The following CCAR1 variants were observed in gnomAD, a reference collection of about 807,000 sequenced individuals.
CCAR1 encodes the protein cell division cycle and apoptosis regulator 1.
A neutral mutation model predicts 163.8 loss-of-function variants in CCAR1; 78 were observed. The ratio of observed to expected loss-of-function variants is 0.48; its 90% CI spans 0.40 to 0.57. The LOEUF (loss-of-function observed/expected upper bound fraction) is 0.57, where lower values mean the gene tolerates loss of function less well. Among genes scored for constraint, CCAR1 ranks in the 20% least tolerant of loss-of-function variants. The pLI is 0.00. For synonymous variants in CCAR1, 443 were observed against 460.7 expected (o/e 0.96, Z 0.49); for missense variants, 1,019 against 1,365.2 (o/e 0.75, Z 4.00).
intron 16 of CCAR1, among the ~76,000 whole-genome samples, chr10:68,762,811 C>CA (rs1165715131): frequency 6.6e-6 from 1 of 151,062 alleles, no homozygotes; most frequent in African/African-American, 2.4e-5. Context: ...CTAAGCTTTT[C>CA]AAAAAATGGT....
intron 2 of CCAR1, among the ~76,000 whole-genome samples, chr10:68,728,066 A>AGG (rs2055974093): frequency 6.6e-6 from 1 of 152,026 alleles, no homozygotes; most frequent in South Asian, 2.1e-4. Context: ...TGAACTTCTG[A>AGG]CCTCAGGTAA....
At chr10:68,755,592 GTTC>G in intron 13 of CCAR1, 56 bp downstream of exon 13, 1 of 1,442,752 alleles carries the variant, frequency 6.9e-7, no homozygotes, top group Non-Finnish European at 9.5e-7. Context: ...TTATGTAGTT[GTTC>G]TTATCGATCA....
At chr10:68,790,164 G>C (rs1415828814) in intron 24 of CCAR1, among the ~76,000 whole-genome samples, 1 of 151,892 alleles carries the variant, frequency 6.6e-6, no homozygotes, top group Non-Finnish European at 1.5e-5. Context: ...GTCCAGCCTC[G>C]CCAACGTGGT....
intron 21 of CCAR1, 92 bp from the exon 22 acceptor site, chr10:68,787,834 TC>T: frequency 7.7e-7 from 1 of 1,294,942 alleles, no homozygotes. Context: ...AGACTCTTTC[TC>T]AAAAGAAAGT....
intron 19 of CCAR1, 110 bp downstream of exon 19, chr10:68,773,209 A>G: frequency 1.7e-6 from 1 of 601,674 alleles, no homozygotes; most frequent in East Asian, 3.4e-5. Context: ...TTTAGAATAG[A>G]AAGAGTAATA....
At chr10:68,752,482 TAC>T (rs756457232) in intron 10 of CCAR1, among the ~76,000 whole-genome samples, 6 of 152,232 alleles carry the variant, frequency 3.9e-5, no homozygotes, top group Non-Finnish European at 8.8e-5. Context: ...GAAACAATTA[TAC>T]ATACTTGCTT....
intron 2 of CCAR1, among the ~76,000 whole-genome samples, chr10:68,724,630 A>G (rs1339961368): frequency 6.6e-6 from 1 of 152,118 alleles, no homozygotes; most frequent in African/African-American, 2.4e-5. Flanking sequence ...ATTCAAAAAA[A>G]AAAATCACCT....
intron 14 of CCAR1, 120 bp from the exon 15 acceptor site, chr10:68,757,174 A>T: frequency 1.7e-6 from 1 of 601,356 alleles, no homozygotes; most frequent in Non-Finnish European, 2.9e-6. Flanking sequence ...TAATAACTTT[A>T]GGAGAAGACA....
chr10:68,721,899 C>A (rs566052550), intron 1 of CCAR1, among the ~76,000 whole-genome samples: 1 of 152,164 alleles, frequency 6.6e-6, no homozygotes, highest in Non-Finnish European at 1.5e-5. Flanking sequence ...AAGGGACATC[C>A]ATTATCTCAA....
At chr10:68,727,108 C>T (rs2055960049) in intron 2 of CCAR1, among the ~76,000 whole-genome samples, 1 of 139,578 alleles carries the variant, frequency 7.2e-6, no homozygotes. Context: ...TGCTCTGTCA[C>T]CCAGGCTGGA....
At position 68,767,081 on chromosome 10, in the gene CCAR1, T is replaced by G. The variant is rs537814529; in HGVS notation, c.2298+1002T>G. Among the ~76,000 whole-genome samples the G allele has an allele frequency of 2.2e-4, 33 of 152,312 alleles. 2 individuals carry two copies. In the South Asian group the frequency reaches 6.4e-3, roughly 30 times the overall value. ...CTTTCATAAGTAGTGTGGTATGTTC[T>G]TTCTTCAGGATATCCATAATGTCTA... On this transcript the variant is annotated intron_variant, in intron 17 of 24. Coordinates refer to ENST00000265872, the MANE Select transcript of CCAR1 (RefSeq NM_018237.4).
At chr10:68,772,183 T>A (rs1246498411) in intron 18 of CCAR1, among the ~76,000 whole-genome samples, 1 of 152,066 alleles carries the variant, frequency 6.6e-6, no homozygotes, top group African/African-American at 2.4e-5. Flanking sequence ...CCAGCCTAAT[T>A]ATTATTATAC....
intron 2 of CCAR1, among the ~76,000 whole-genome samples, chr10:68,727,812 T>C (rs1187150422): frequency 7.9e-5 from 12 of 152,238 alleles, no homozygotes; most frequent in Non-Finnish European, 1.0e-4. Flanking sequence ...ATATCAATTA[T>C]CTTATTTTAT....
At chr10:68,780,269 CACTGCTGCA>C (rs2056720048) in intron 19 of CCAR1, among the ~76,000 whole-genome samples, 1 of 152,168 alleles carries the variant, frequency 6.6e-6, no homozygotes, top group African/African-American at 2.4e-5. Flanking sequence ...GCTCGTGGCT[CACTGCTGCA>C]TTGAACTCCT....
At chr10:68,776,645 C>T (rs1308662303) in intron 19 of CCAR1, among the ~76,000 whole-genome samples, 1 of 152,192 alleles carries the variant, frequency 6.6e-6, no homozygotes, top group East Asian at 1.9e-4. Context: ...CCTGAAACTT[C>T]TAGGCTTAAG....
At chr10:68,739,345 T>C (rs980778009) in intron 4 of CCAR1, among the ~76,000 whole-genome samples, 1 of 152,126 alleles carries the variant, frequency 6.6e-6, no homozygotes, top group African/African-American at 2.4e-5. Flanking sequence ...GAGACAGGGT[T>C]TCACCATGTT....
At position 68,754,780 on chromosome 10, in the gene CCAR1, C is replaced by T. The variant is rs1376297035; in HGVS notation, c.1411C>T (p.Pro471Ser). The stretch of plus-strand genomic sequence containing the variant: ...TAAGTCATGTGCTCTTGCTGAGGAC[C>T]CACAAGAACTTCGAGATGGATTCCA... ...YHKSCALAED[P>S]QELRDGFQHP... Residue 471 changes from proline to serine, a missense_variant, in exon 12 of 25, where the codon CCA becomes TCA. By Grantham distance (74) the Pro-to-Ser change is moderately conservative. Transcript: ENST00000265872. 3 of 1,612,104 alleles carry T rather than the reference C, an allele frequency of 1.9e-6. No homozygotes were observed. Among genetic ancestry groups the T allele is most frequent in the Non-Finnish European group, 2.5e-6 (3 of 1,178,324 alleles).
intron 23 of CCAR1, 87 bp downstream of exon 23, chr10:68,788,415 C>T: frequency 2.4e-6 from 2 of 845,510 alleles, no homozygotes; most frequent in Non-Finnish European, 3.4e-6. Flanking sequence ...TATATACGTA[C>T]CTGTGTACAC....
At chr10:68,737,073 T>A (rs1047452365) in intron 3 of CCAR1, 25 bp downstream of exon 3, 2 of 1,565,892 alleles carry the variant, frequency 1.3e-6, no homozygotes, top group Non-Finnish European at 1.8e-6. Context: ...TGTCTTATTA[T>A]TTGATGTAGA....
Sources: gnomAD v4.1 joint callset for allele counts (sites outside exome capture counted in the v4.1 genomes callset) on GRCh38, gnomAD v4.1.1 for gene constraint, MANE v1.5 for transcripts, NCBI Gene and HGNC (gene_info 2026-07-23, HGNC 2026-07-21) for gene names.